Variants in ROBO1 observed in about 807,000 individuals in gnomAD.
The protein encoded by ROBO1 is roundabout homolog 1.
ROBO1 carries 149 observed loss-of-function variants against 195.9 expected under a neutral mutation model. That is an observed-to-expected ratio of 0.76 (90% confidence interval 0.67 to 0.87). The LOEUF is 0.87. Among genes scored for constraint, ROBO1 ranks in the 40% least tolerant of loss-of-function variants. The pLI, the probability that ROBO1 is intolerant of heterozygous loss-of-function variation, is 0.00. For synonymous variants in ROBO1, 816 were observed against 733.2 expected (o/e 1.11, Z -1.82); for missense variants, 1,933 against 2,068.3 (o/e 0.93, Z 1.27).
chr3:79,551,697 T>C (rs939711954), intron 2 of ROBO1, among the ~76,000 whole-genome samples: 1 of 152,024 alleles, frequency 6.6e-6, no homozygotes, highest in Non-Finnish European at 1.5e-5. Context: ...CACAGCAAGT[T>C]CCTAGTGACT....
intron 3 of ROBO1, among the ~76,000 whole-genome samples, chr3:79,082,597 G>A (rs1452872534): frequency 6.6e-6 from 1 of 152,172 alleles, no homozygotes; most frequent in African/African-American, 2.4e-5. Context: ...TAGTGGATAA[G>A]GGAAAATGCT....
chr3:79,031,301 T>C (rs2078292236), intron 3 of ROBO1, among the ~76,000 whole-genome samples: 1 of 152,178 alleles, frequency 6.6e-6, no homozygotes, highest in African/African-American at 2.4e-5. Context: ...TTGTTAGTCA[T>C]TATTGAATAT....
chr3:79,122,045 G>A (rs2080127804), intron 3 of ROBO1, among the ~76,000 whole-genome samples: 1 of 151,654 alleles, frequency 6.6e-6, no homozygotes. Context: ...TTATATTTGT[G>A]AAACACTATA....
intron 21 of ROBO1, among the ~76,000 whole-genome samples, chr3:78,640,802 A>G (rs796918118): frequency 1.4e-4 from 21 of 151,950 alleles, no homozygotes; most frequent in African/African-American, 5.1e-4. Flanking sequence ...TTCACAATAA[A>G]CAGACTGGCA....
chr3:78,929,622 C>T (rs903689586), intron 4 of ROBO1, among the ~76,000 whole-genome samples: 5 of 151,962 alleles, frequency 3.3e-5, no homozygotes, highest in African/African-American at 1.2e-4. Context: ...TCCACCTCAG[C>T]CTCCTGTGTA....
intron 4 of ROBO1, among the ~76,000 whole-genome samples, chr3:78,773,085 CTAACGT>C (rs1242206647): frequency 3.3e-5 from 5 of 152,052 alleles, no homozygotes; most frequent in African/African-American, 7.2e-5. Flanking sequence ...GTTTTGAATA[CTAACGT>C]TAAAAATTAT....
Position 78,646,164 on chromosome 3 carries a change from C to G in ROBO1, c.2866G>C (p.Val956Leu). 6.2e-7 allele frequency: 1 copy of G among 1,607,104 alleles called. No individual in the cohort carries two copies. Among genetic ancestry groups the G allele is most frequent in the Non-Finnish European group, 8.5e-7 (1 of 1,175,188 alleles). ...TVTYQRGGEA[V>L]SSGGRPGLLN... ...GATAATTACCTCCCTCCACTGCTGA[C>G]AGCTTCGCCTCCTCTCTGGTAAGTT... Residue 956 changes from valine to leucine, a missense_variant, in exon 21 of 31, where the codon GTC becomes CTC. This residue lies in a region of ROBO1 where 1,737 missense variants were observed against 1,882.5 expected (regional missense o/e 0.92). Transcript: ENST00000464233.
At chr3:79,471,010 AGC>A (rs1487342844) in intron 2 of ROBO1, among the ~76,000 whole-genome samples, 1 of 152,170 alleles carries the variant, frequency 6.6e-6, no homozygotes, top group African/African-American at 2.4e-5. Flanking sequence ...TGGAATCAGC[AGC>A]CAGTTGATTT....
intron 1 of ROBO1, among the ~76,000 whole-genome samples, chr3:79,651,631 C>G (rs960636033): frequency 6.6e-6 from 1 of 152,134 alleles, no homozygotes; most frequent in Non-Finnish European, 1.5e-5. Context: ...AACGCTAGCA[C>G]CCCGGGAGAC....
At chr3:79,637,230 C>T (rs150445722) in intron 1 of ROBO1, among the ~76,000 whole-genome samples, 1 of 151,888 alleles carries the variant, frequency 6.6e-6, no homozygotes, top group Non-Finnish European at 1.5e-5. Flanking sequence ...AGCAACTTTG[C>T]AAATGTATGC....
intron 4 of ROBO1, among the ~76,000 whole-genome samples, chr3:78,930,572 C>T (rs1473932): frequency 0.01 from 1,573 of 152,278 alleles, 27 homozygotes; most frequent in African/African-American, 0.036. Context: ...CTAACAAATC[C>T]TAATCCAAAC....
At chr3:79,179,591 A>G (rs1416758375) in intron 2 of ROBO1, among the ~76,000 whole-genome samples, 2 of 152,182 alleles carry the variant, frequency 1.3e-5, no homozygotes, top group African/African-American at 4.8e-5. Context: ...TATAATGGGT[A>G]TTTTCATGTG....
At chr3:79,401,899 G>GCTGATATCCTGATA (rs1180669084) in intron 2 of ROBO1, among the ~76,000 whole-genome samples, 6 of 151,840 alleles carry the variant, frequency 4.0e-5, no homozygotes, top group Non-Finnish European at 8.8e-5. Flanking sequence ...ATTTATGAGT[G>GCTGATATCCTGATA]TTTAAGTGCT....
chr3:79,523,514 C>T (rs1182158388), intron 2 of ROBO1, among the ~76,000 whole-genome samples: 7 of 129,576 alleles, frequency 5.4e-5, no homozygotes, highest in Admixed American at 9.3e-5. Context: ...CTCTTGTTGT[C>T]CAGGCTTGAG....
intron 2 of ROBO1, among the ~76,000 whole-genome samples, chr3:79,544,886 T>G (rs1459539689): frequency 1.3e-5 from 2 of 152,132 alleles, no homozygotes; most frequent in Non-Finnish European, 2.9e-5. Context: ...AGGTTTCTTT[T>G]TTCTCTAAAA....
intron 1 of ROBO1, among the ~76,000 whole-genome samples, chr3:79,598,293 A>T (rs1944240601): frequency 6.6e-6 from 1 of 151,996 alleles, no homozygotes; most frequent in Non-Finnish European, 1.5e-5. Flanking sequence ...ACAGAGAAAA[A>T]CTAAGTTACC....
chr3:79,081,421 C>G (rs2079272797), intron 3 of ROBO1, among the ~76,000 whole-genome samples: 1 of 152,020 alleles, frequency 6.6e-6, no homozygotes, highest in African/African-American at 2.4e-5. Context: ...TCTTTGAGCA[C>G]AATAGTAAAG....
intron 7 of ROBO1, chr3:78,714,737 C>T: frequency 7.2e-6 from 3 of 414,130 alleles, no homozygotes; most frequent in Non-Finnish European, 1.3e-5. Context: ...TCTAAAAGAA[C>T]ATTTTGGGGT....
chr3:79,028,851 G>A (rs1430098706), intron 3 of ROBO1, among the ~76,000 whole-genome samples: 1 of 151,910 alleles, frequency 6.6e-6, no homozygotes, highest in African/African-American at 2.4e-5. Flanking sequence ...GAAAATGTTT[G>A]TTTTTCACAA....
Sources: gnomAD v4.1 joint callset for allele counts (sites outside exome capture counted in the v4.1 genomes callset) on GRCh38, gnomAD v4.1.1 for gene constraint, gnomAD v4.1.1 regional missense constraint, MANE v1.5 for transcripts, NCBI Gene and HGNC (gene_info 2026-07-23, HGNC 2026-07-21) for gene names.